Variants in NAALADL2 observed in about 807,000 individuals in gnomAD.
NAALADL2 encodes the protein inactive N-acetylated-alpha-linked acidic dipeptidase-like protein 2.
NAALADL2 carries 76 observed loss-of-function variants against 87.2 expected under a neutral mutation model. The ratio of observed to expected loss-of-function variants is 0.87; its 90% CI spans 0.72 to 1.05. The LOEUF is 1.05. Among genes scored for constraint, NAALADL2 ranks in the 50% least tolerant of loss-of-function variants. NAALADL2 has a pLI of 0.00. For synonymous variants in NAALADL2, 354 were observed against 331.0 expected (o/e 1.07, Z -0.75); for missense variants, 1,089 against 945.8 (o/e 1.15, Z -1.99).
intron 1 of NAALADL2, among the ~76,000 whole-genome samples, chr3:175,084,815 A>T (rs551430548): frequency 3.9e-5 from 6 of 152,204 alleles, no homozygotes; most frequent in African/African-American, 1.2e-4. Flanking sequence ...TTGAGAAAAA[A>T]TTTAAAGGTA....
intron 2 of NAALADL2, among the ~76,000 whole-genome samples, chr3:174,633,505 C>T (rs1560106522): frequency 6.6e-6 from 1 of 152,106 alleles, no homozygotes; most frequent in Admixed American, 6.6e-5. Flanking sequence ...CACTTCCAGA[C>T]AAGTAGTGTA....
intron 1 of NAALADL2, among the ~76,000 whole-genome samples, chr3:174,952,481 G>T (rs1053418752): frequency 6.6e-6 from 1 of 152,076 alleles, no homozygotes; most frequent in Non-Finnish European, 1.5e-5. Flanking sequence ...AAAGCCAGGG[G>T]TGTTTGGTCC....
chr3:175,552,910 A>G (rs1348507386), intron 9 of NAALADL2, among the ~76,000 whole-genome samples: 4 of 152,134 alleles, frequency 2.6e-5, no homozygotes, highest in African/African-American at 7.2e-5. Flanking sequence ...ATATTTTAAG[A>G]GATACTTCTG....
At chr3:175,639,205 G>A (rs780031981) in intron 11 of NAALADL2, among the ~76,000 whole-genome samples, 1 of 152,062 alleles carries the variant, frequency 6.6e-6, no homozygotes, top group African/African-American at 2.4e-5. Context: ...AGCCCTTCAG[G>A]GAGCTTCTCT....
intron 2 of NAALADL2, among the ~76,000 whole-genome samples, chr3:175,152,400 C>T (rs1041226599): frequency 1.3e-5 from 2 of 152,072 alleles, no homozygotes; most frequent in Non-Finnish European, 2.9e-5. Context: ...TTGTTTCCTT[C>T]TGCTATGGTC....
At chr3:175,667,743 G>GTTTTTTTTTTT (rs58514374) in intron 11 of NAALADL2, among the ~76,000 whole-genome samples, 1 of 120,040 alleles carries the variant, frequency 8.3e-6, no homozygotes, top group African/African-American at 2.9e-5. Flanking sequence ...GTTTTTTGCT[G>GTTTTTTTTTTT]TTTTTTTTTT....
rs573673992 is a variant in NAALADL2 at position 174,871,270 on chromosome 3, C to T, written c.43+11820C>T. ...AAAGCCATAAACTCCTTTATATTATCCATAAACATAATAAAAAATGATACA... is the reference window on the plus strand; with the variant it reads ...AAAGCCATAAACTCCTTTATATTATTCATAAACATAATAAAAAATGATACA... On this transcript the variant is annotated intron_variant, in intron 1 of 13. Coordinates refer to ENST00000454872, the MANE Select transcript of NAALADL2 (RefSeq NM_207015.3). Among the ~76,000 whole-genome samples the T allele has an allele frequency of 3.9e-5, 6 of 152,316 alleles. No individual in the cohort carries two copies. In the South Asian group the frequency reaches 1.2e-3, roughly 32 times the overall value.
chr3:174,516,801 A>G (rs1337217691), intron 1 of NAALADL2, among the ~76,000 whole-genome samples: 1 of 152,034 alleles, frequency 6.6e-6, no homozygotes, highest in Non-Finnish European at 1.5e-5. Context: ...AAAATTACAA[A>G]TGACATGTCT....
intron 13 of NAALADL2, among the ~76,000 whole-genome samples, chr3:175,756,389 G>C (rs1474734051): frequency 6.6e-6 from 1 of 151,968 alleles, no homozygotes. Context: ...TTTATCACAG[G>C]ACTAGTCACA....
intron 5 of NAALADL2, among the ~76,000 whole-genome samples, chr3:175,359,195 A>G (rs1238982751): frequency 1.3e-5 from 2 of 152,126 alleles, no homozygotes; most frequent in Non-Finnish European, 2.9e-5. Context: ...GAAATATTCT[A>G]TTCTTGCCAA....
intron 3 of NAALADL2, among the ~76,000 whole-genome samples, chr3:174,794,585 A>G (rs1201084662): frequency 6.6e-6 from 1 of 152,182 alleles, no homozygotes; most frequent in Non-Finnish European, 1.5e-5. Context: ...AAGTTTTGCC[A>G]TCAAAGAAAA....
At chr3:175,434,278 G>A (rs1197173804) in intron 5 of NAALADL2, among the ~76,000 whole-genome samples, 4 of 152,054 alleles carry the variant, frequency 2.6e-5, no homozygotes, top group East Asian at 1.9e-4. Context: ...TATATGATGC[G>A]TTTAAGAACT....
intron 2 of NAALADL2, among the ~76,000 whole-genome samples, chr3:174,630,482 G>T (rs1315380494): frequency 6.6e-6 from 1 of 151,906 alleles, no homozygotes; most frequent in East Asian, 1.9e-4. Flanking sequence ...ACTTTTCCTG[G>T]TATTTTCCCC....
At chr3:174,697,095 G>T (rs484464) in intron 2 of NAALADL2, among the ~76,000 whole-genome samples, 64,844 of 152,016 alleles carry the variant, frequency 0.43, 14,765 homozygotes, top group East Asian at 0.73. Flanking sequence ...TTGGAAAATA[G>T]TTTGTATGGC....
At chr3:174,565,500 A>G (rs562588789) in intron 2 of NAALADL2, among the ~76,000 whole-genome samples, 57 of 152,190 alleles carry the variant, frequency 3.7e-4, no homozygotes, top group African/African-American at 1.3e-3. Context: ...TTATGGTTTA[A>G]TAGCTCATCT....
At chr3:175,762,018 T>C (rs1225824096) in intron 13 of NAALADL2, among the ~76,000 whole-genome samples, 2 of 152,180 alleles carry the variant, frequency 1.3e-5, no homozygotes, top group Non-Finnish European at 2.9e-5. Context: ...GAAAATTAAA[T>C]CATAATTCAA....
intron 1 of NAALADL2, among the ~76,000 whole-genome samples, chr3:175,003,427 A>G (rs893982948): frequency 6.6e-6 from 1 of 152,178 alleles, no homozygotes; most frequent in Non-Finnish European, 1.5e-5. Context: ...CAATAAACAG[A>G]GGCATAGGTG....
intron 5 of NAALADL2, among the ~76,000 whole-genome samples, chr3:175,392,308 T>A (rs978425545): frequency 2.0e-5 from 3 of 152,224 alleles, no homozygotes; most frequent in East Asian, 3.8e-4. Context: ...TCTACAAATT[T>A]TTTTTGTAAA....
chr3:174,630,976 C>G (rs1057371553), intron 2 of NAALADL2, among the ~76,000 whole-genome samples: 22 of 152,108 alleles, frequency 1.4e-4, no homozygotes, highest in Non-Finnish European at 7.4e-5. Flanking sequence ...CCGTACCTTT[C>G]ACACACCACT....
Sources: allele counts gnomAD v4.1 joint callset (sites outside exome capture counted in the v4.1 genomes callset), GRCh38; gene constraint gnomAD v4.1.1; transcripts MANE v1.5; gene names NCBI Gene and HGNC (gene_info 2026-07-23, HGNC 2026-07-21).